Variants in MACROD2 observed in about 807,000 individuals in gnomAD.
MACROD2 encodes mono-ADP ribosylhydrolase 2, also known as ADP-ribose glycohydrolase MACROD2.
MACROD2 carries 36 observed loss-of-function variants against 70.4 expected under a neutral mutation model. The observed-to-expected ratio is 0.51, with a 90% CI of 0.39 to 0.68. The LOEUF is 0.68. Among genes scored for constraint, MACROD2 ranks in the 30% least tolerant of loss-of-function variants. The pLI is 0.00. For synonymous variants in MACROD2, 172 were observed against 178.8 expected (o/e 0.96, Z 0.30); for missense variants, 496 against 538.4 (o/e 0.92, Z 0.78).
At chr20:14,328,162 G>T (rs769887890) in intron 3 of MACROD2, among the ~76,000 whole-genome samples, 3 of 151,850 alleles carry the variant, frequency 2.0e-5, no homozygotes, top group Non-Finnish European at 4.4e-5. Flanking sequence ...CATTTTCTTT[G>T]GTTATTAATT....
chr20:14,884,063 G>A (rs1363750895), intron 5 of MACROD2, among the ~76,000 whole-genome samples: 2 of 152,158 alleles, frequency 1.3e-5, no homozygotes, highest in African/African-American at 2.4e-5. Context: ...AAATAACAGT[G>A]TAACCCCATA....
At chr20:15,802,834 C>T (rs1600915627) in intron 8 of MACROD2, among the ~76,000 whole-genome samples, 2 of 151,958 alleles carry the variant, frequency 1.3e-5, no homozygotes, top group East Asian at 1.9e-4. Flanking sequence ...AAAAATGAGA[C>T]GTTACAACTG....
At chr20:15,374,861 G>A (rs1044057725) in intron 6 of MACROD2, among the ~76,000 whole-genome samples, 3 of 152,190 alleles carry the variant, frequency 2.0e-5, no homozygotes, top group Non-Finnish European at 2.9e-5. Context: ...TATGTTGTTT[G>A]CCTTGTGGGT....
At chr20:14,334,617 C>T (rs1339003356) in intron 3 of MACROD2, among the ~76,000 whole-genome samples, 1 of 148,736 alleles carries the variant, frequency 6.7e-6, no homozygotes, top group Non-Finnish European at 1.5e-5. Context: ...ACAACAAAGC[C>T]TCCCGTTGAG....
At chr20:15,482,057 C>T (rs963382073) in intron 7 of MACROD2, among the ~76,000 whole-genome samples, 2 of 152,264 alleles carry the variant, frequency 1.3e-5, no homozygotes, top group East Asian at 1.9e-4. Flanking sequence ...TATCCAGGCT[C>T]GGATTTCCTC....
At chr20:15,261,498 C>G (rs1004819177) in intron 6 of MACROD2, among the ~76,000 whole-genome samples, 2 of 151,856 alleles carry the variant, frequency 1.3e-5, no homozygotes, top group Admixed American at 1.3e-4. Flanking sequence ...AATATAGAAA[C>G]CTGTACTTTT....
intron 2 of MACROD2, among the ~76,000 whole-genome samples, chr20:14,069,466 G>T (rs1290893691): frequency 2.0e-5 from 3 of 151,456 alleles, no homozygotes; most frequent in African/African-American, 7.3e-5. Flanking sequence ...TTTATACCAG[G>T]CTGGCCTCCC....
intron 5 of MACROD2, among the ~76,000 whole-genome samples, chr20:14,838,879 A>G (rs2073058189): frequency 6.6e-6 from 1 of 152,050 alleles, no homozygotes; most frequent in Non-Finnish European, 1.5e-5. Context: ...CCAGAACTTC[A>G]ACTGTCCTTT....
intron 2 of MACROD2, chr20:14,051,844 T>C: frequency 2.0e-6 from 1 of 491,086 alleles, no homozygotes; most frequent in South Asian, 1.5e-5. Context: ...CCATCCTTTT[T>C]GTGAGGAGAT....
intron 5 of MACROD2, among the ~76,000 whole-genome samples, chr20:15,020,988 G>A (rs1325489885): frequency 2.7e-5 from 4 of 147,454 alleles, no homozygotes; most frequent in African/African-American, 5.0e-5. Context: ...ACACATGTGT[G>A]TATATGTATA....
intron 8 of MACROD2, among the ~76,000 whole-genome samples, chr20:15,549,694 G>T (rs1190748220): frequency 6.6e-6 from 1 of 152,086 alleles, no homozygotes; most frequent in Non-Finnish European, 1.5e-5. Context: ...TTTCTTGTCT[G>T]CCCCAGTCCC....
intron 3 of MACROD2, among the ~76,000 whole-genome samples, chr20:14,463,578 T>C (rs1172092500): frequency 6.6e-6 from 1 of 152,052 alleles, no homozygotes; most frequent in East Asian, 1.9e-4. Context: ...CTATGTTGAA[T>C]AGGATGGTGA....
intron 12 of MACROD2, among the ~76,000 whole-genome samples, chr20:15,962,621 A>C (rs1473201692): frequency 1.3e-5 from 2 of 152,230 alleles, no homozygotes; most frequent in African/African-American, 2.4e-5. Flanking sequence ...GTTAGCACAC[A>C]GGGTGATGAT....
intron 5 of MACROD2, among the ~76,000 whole-genome samples, chr20:15,068,539 C>T (rs2075595212): frequency 6.6e-6 from 1 of 152,096 alleles, no homozygotes; most frequent in Admixed American, 6.6e-5. Context: ...TTGGTGCCCT[C>T]CTCATAGTGT....
intron 5 of MACROD2, among the ~76,000 whole-genome samples, chr20:14,862,682 T>A (rs113617257): frequency 1.4e-5 from 1 of 70,738 alleles, no homozygotes; most frequent in African/African-American, 5.5e-5. Context: ...TATATAAATA[T>A]ATATATAAAT....
At chr20:15,275,539 T>C (rs2077383650) in intron 6 of MACROD2, among the ~76,000 whole-genome samples, 1 of 152,208 alleles carries the variant, frequency 6.6e-6, no homozygotes, top group Non-Finnish European at 1.5e-5. Context: ...ATTTACTGCA[T>C]GTGAAGACTC....
intron 3 of MACROD2, among the ~76,000 whole-genome samples, chr20:14,098,129 T>C (rs2054253142): frequency 6.6e-6 from 1 of 152,174 alleles, no homozygotes; most frequent in East Asian, 1.9e-4. Flanking sequence ...CATCAGTAAA[T>C]GGTAGCAGAA....
At chr20:15,551,214 A>G (rs2048091268) in intron 8 of MACROD2, among the ~76,000 whole-genome samples, 1 of 151,962 alleles carries the variant, frequency 6.6e-6, no homozygotes, top group East Asian at 1.9e-4. Context: ...GCTACTGGGT[A>G]TCTCCACTTC....
intron 7 of MACROD2, among the ~76,000 whole-genome samples, chr20:15,475,928 A>G (rs905807492): frequency 7.2e-5 from 11 of 152,244 alleles, no homozygotes; most frequent in South Asian, 2.1e-4. Context: ...GGAGAAGAAA[A>G]TGTTCTTCGT....
Sources: gnomAD v4.1 joint callset for allele counts (sites outside exome capture counted in the v4.1 genomes callset) on GRCh38, gnomAD v4.1.1 for gene constraint, MANE v1.5 for transcripts, NCBI Gene and HGNC (gene_info 2026-07-23, HGNC 2026-07-21) for gene names.